ADCY8: variants seen among roughly 807,000 people sequenced by gnomAD.
ADCY8 encodes the protein adenylate cyclase type 8.
ADCY8 carries 51 observed loss-of-function variants against 119.7 expected under a neutral mutation model. The ratio of observed to expected loss-of-function variants is 0.43; its 90% confidence interval spans 0.34 to 0.54. ADCY8 has a LOEUF of 0.54. Ranked by LOEUF, ADCY8 falls within the 20% of genes least tolerant of loss-of-function variation. The probability of loss-of-function intolerance (pLI) is 0.03; values close to 1 mark genes in which losing one functional copy is unlikely to be tolerated. For synonymous variants in ADCY8, 665 were observed against 651.0 expected (o/e 1.02, Z -0.33); for missense variants, 1,383 against 1,598.8 (o/e 0.87, Z 2.30).
intron 2 of ADCY8, among the ~76,000 whole-genome samples, chr8:130,964,617 G>A (rs2130691234): frequency 6.6e-6 from 1 of 152,162 alleles, no homozygotes; most frequent in South Asian, 2.1e-4. Flanking sequence ...TAAAAATCTG[G>A]AAGTCACTCT....
At chr8:130,895,206 G>A (rs7001517) in intron 7 of ADCY8, among the ~76,000 whole-genome samples, 87,071 of 151,906 alleles carry the variant, frequency 0.57, 26,930 homozygotes, top group East Asian at 0.69. Flanking sequence ...AGTGCTATAC[G>A]TTTATTGGGT....
intron 12 of ADCY8, among the ~76,000 whole-genome samples, chr8:130,825,638 T>C (rs1816647884): frequency 6.6e-6 from 1 of 152,254 alleles, no homozygotes; most frequent in African/African-American, 2.4e-5. Context: ...GTTCTGCTTC[T>C]AAAAAGTCTG....
At position 131,018,885 on chromosome 8, in the gene ADCY8, C is replaced by A. The variant is rs372393816; in HGVS notation, c.960+20489G>T. 5.3e-5 allele frequency among the ~76,000 whole-genome samples: 8 copies of A among 152,240 alleles called. No individual in the cohort carries two copies. The East Asian group carries it at 1.5e-3, about 29-fold the overall frequency. ...CTGGAGATTAACATATAAGGAAGGG[C>A]ATGGTTAGGAGGAGGTTAGGCCTCC... On this transcript the variant is annotated intron_variant, in intron 1 of 17. Coordinates refer to ENST00000286355, the MANE Select transcript of ADCY8 (RefSeq NM_001115.3).
At chr8:130,969,569 A>G (rs1373605134) in intron 2 of ADCY8, among the ~76,000 whole-genome samples, 1 of 152,176 alleles carries the variant, frequency 6.6e-6, no homozygotes, top group Non-Finnish European at 1.5e-5. Flanking sequence ...AAGACCCTGT[A>G]TTGAGTTTCT....
At chr8:130,943,312 C>A in intron 4 of ADCY8, 39 bp downstream of exon 4, 1 of 1,424,300 alleles carries the variant, frequency 7.0e-7, no homozygotes, top group Non-Finnish European at 9.9e-7. Context: ...CAGTCCCTCA[C>A]TCCTGCAAAA....
chr8:131,019,827 C>CTCTCTCTGTCTG (rs1563770548), intron 1 of ADCY8, among the ~76,000 whole-genome samples: 8 of 121,520 alleles, frequency 6.6e-5, no homozygotes, highest in Non-Finnish European at 1.0e-4. Flanking sequence ...CTCTCTCTCT[C>CTCTCTCTGTCTG]TCTCTCTCTC....
intron 14 of ADCY8, among the ~76,000 whole-genome samples, chr8:130,801,149 C>T (rs779918575): frequency 1.3e-5 from 2 of 152,224 alleles, no homozygotes; most frequent in African/African-American, 4.8e-5. Flanking sequence ...TGGTCTCCAG[C>T]CTCAGCTGGG....
rs143694189 is a variant in ADCY8, at chr8:130,952,197, G to A, written c.1111-199C>T. On this transcript the variant is annotated intron_variant, in intron 2 of 17. Coordinates refer to ENST00000286355, the MANE Select transcript of ADCY8 (RefSeq NM_001115.3). ...CTCTGCTGGTGTTGGATATATAGTG[G>A]TGAACCAAATGGATGTGGTTCTGAC... is the stretch of plus-strand genomic sequence containing the variant. Among the ~76,000 whole-genome samples the A allele has an allele frequency of 1.8e-3, 278 of 152,258 alleles. 1 individual carries two copies. Among genetic ancestry groups the A allele is most frequent in the Non-Finnish European group, 3.2e-3 (218 of 68,022 alleles).
intron 5 of ADCY8, among the ~76,000 whole-genome samples, chr8:130,917,311 A>G: frequency 6.6e-6 from 1 of 152,224 alleles, no homozygotes; most frequent in East Asian, 1.9e-4. Context: ...CAAGTTCTGC[A>G]TTCATGGAGC....
intron 1 of ADCY8, among the ~76,000 whole-genome samples, chr8:131,020,510 G>A (rs956508853): frequency 3.3e-5 from 5 of 152,316 alleles, no homozygotes; most frequent in African/African-American, 1.2e-4. Context: ...TTGAGATCAA[G>A]AACCAGGAGG....
intron 2 of ADCY8, among the ~76,000 whole-genome samples, chr8:130,972,551 T>C (rs753089365): frequency 1.2e-4 from 19 of 152,198 alleles, no homozygotes; most frequent in Non-Finnish European, 2.6e-4. Flanking sequence ...AAAATATCTA[T>C]TTTGGAATAG....
chr8:130,786,753 T>G (rs1429341768), intron 15 of ADCY8, among the ~76,000 whole-genome samples: 1 of 152,170 alleles, frequency 6.6e-6, no homozygotes, highest in African/African-American at 2.4e-5. Context: ...ATAGAATTTA[T>G]GTTGGAAATA....
chr8:130,958,891 T>C (rs1821515932), intron 2 of ADCY8, among the ~76,000 whole-genome samples: 1 of 152,216 alleles, frequency 6.6e-6, no homozygotes, highest in South Asian at 2.1e-4. Flanking sequence ...TTATTGTCTA[T>C]CTATTTCACT....
At chr8:130,898,290 G>A (rs758432323) in intron 7 of ADCY8, among the ~76,000 whole-genome samples, 6 of 125,782 alleles carry the variant, frequency 4.8e-5, no homozygotes, top group Middle Eastern at 3.4e-3. Flanking sequence ...GGAAAAACAT[G>A]GGCACACCAC....
In ADCY8 at chr8:130,937,104, CA is replaced by C; in HGVS notation, c.1449del (p.Glu484LysfsTer6). 6.2e-7 allele frequency: 1 copy of C among 1,613,744 alleles called. No homozygotes were observed. The highest frequency in any genetic ancestry group is 8.5e-7 in the Non-Finnish European group (1 of 1,179,800). On this transcript the variant is annotated frameshift_variant, in exon 5 of 18. Coordinates refer to ENST00000286355, the MANE Select transcript of ADCY8 (RefSeq NM_001115.3). LOFTEE classifies it high-confidence loss of function. ...GTTTTGATCATGCTGAGACCCATTTCAACACAGCAGTGGGCATGGTCCTGGC... is the reference window on the plus strand; with the variant it reads ...GTTTTGATCATGCTGAGACCCATTTCACACAGCAGTGGGCATGGTCCTGGC... ...EPRQDHAHCC[V>X]EMGLSMIKTI...
intron 4 of ADCY8, 36 bp downstream of exon 4, chr8:130,943,315 C>T (rs766395678): frequency 3.4e-6 from 5 of 1,480,992 alleles, no homozygotes; most frequent in Non-Finnish European, 4.7e-6. Flanking sequence ...TCCCTCACTC[C>T]TGCAAAAGAC....
chr8:130,972,550 A>G (rs1324891205), intron 2 of ADCY8, among the ~76,000 whole-genome samples: 1 of 152,194 alleles, frequency 6.6e-6, no homozygotes, highest in Non-Finnish European at 1.5e-5. Context: ...CAAAATATCT[A>G]TTTTGGAATA....
At chr8:130,930,314 C>A (rs937860546) in intron 5 of ADCY8, among the ~76,000 whole-genome samples, 1 of 151,368 alleles carries the variant, frequency 6.6e-6, no homozygotes, top group African/African-American at 2.4e-5. Flanking sequence ...TGCAGTGGCA[C>A]AATCTCAGCT....
rs1249573422 is a variant in ADCY8 at position 131,012,851 on chromosome 8, A to G, written c.961-22309T>C. 2.6e-5 allele frequency among the ~76,000 whole-genome samples: 4 copies of G among 152,132 alleles called. No homozygotes were observed. In the East Asian group the frequency reaches 7.7e-4, roughly 29 times the overall value. On this transcript the variant is annotated intron_variant, in intron 1 of 17. Transcript: ENST00000286355. ...CTCAACTTGTCTATTTCTGCTTCCA[A>G]CTTTTCTCCTCCGTGGGTACTGATC... is the stretch of plus-strand genomic sequence containing the variant.
Sources: allele counts gnomAD v4.1 joint callset (sites outside exome capture counted in the v4.1 genomes callset), GRCh38; gene constraint gnomAD v4.1.1; transcripts MANE v1.5; gene names NCBI Gene and HGNC (gene_info 2026-07-23, HGNC 2026-07-21).